The following RABGAP1L variants were observed in gnomAD, a reference collection of about 807,000 sequenced individuals.
The protein encoded by RABGAP1L is rab GTPase-activating protein 1-like.
In RABGAP1L, 63 loss-of-function variants were observed where a neutral mutation model predicts 137.7. That is an observed-to-expected ratio of 0.46 (90% CI 0.37 to 0.56). The LOEUF is 0.56. Ranked by LOEUF, RABGAP1L falls within the 20% of genes least tolerant of loss-of-function variation. RABGAP1L has a pLI of 0.00. For synonymous variants in RABGAP1L, 431 were observed against 433.7 expected (o/e 0.99, Z 0.08); for missense variants, 1,095 against 1,244.0 (o/e 0.88, Z 1.80).
intron 17 of RABGAP1L, among the ~76,000 whole-genome samples, chr1:174,748,926 C>T (rs896944655): frequency 6.6e-5 from 10 of 151,490 alleles, no homozygotes; most frequent in East Asian, 2.0e-4. Flanking sequence ...CATGTAATCC[C>T]GGCACTTTGG....
chr1:174,947,375 C>T (rs575358557), intron 19 of RABGAP1L, among the ~76,000 whole-genome samples: 31 of 150,694 alleles, frequency 2.1e-4, no homozygotes, highest in African/African-American at 5.4e-4. Context: ...GGATTACAGG[C>T]GTGAGCTACC....
At chr1:174,775,553 T>A (rs975696330) in intron 18 of RABGAP1L, among the ~76,000 whole-genome samples, 1 of 152,094 alleles carries the variant, frequency 6.6e-6, no homozygotes, top group African/African-American at 2.4e-5. Context: ...CCTCAGGAGA[T>A]CCGCCCACCT....
chr1:174,306,551 C>T (rs1678269445), intron 11 of RABGAP1L, among the ~76,000 whole-genome samples: 1 of 152,154 alleles, frequency 6.6e-6, no homozygotes, highest in Non-Finnish European at 1.5e-5. Context: ...CTGTTGGCTG[C>T]AGAAATATCT....
chr1:174,397,798 T>G (rs1225281305), intron 13 of RABGAP1L, among the ~76,000 whole-genome samples: 2 of 152,166 alleles, frequency 1.3e-5, no homozygotes, highest in Non-Finnish European at 2.9e-5. Context: ...TCAAGACTTC[T>G]GACATCAGCC....
intron 11 of RABGAP1L, among the ~76,000 whole-genome samples, chr1:174,328,012 T>TATATATAC (rs1680698338): frequency 5.0e-5 from 6 of 120,982 alleles, no homozygotes; most frequent in African/African-American, 2.5e-4. Flanking sequence ...TATATATATA[T>TATATATAC]ATATATATAT....
intron 23 of RABGAP1L, among the ~76,000 whole-genome samples, chr1:174,980,909 G>GT (rs370748304): frequency 0.23 from 33,320 of 143,664 alleles, 3,928 homozygotes; most frequent in African/African-American, 0.27. Flanking sequence ...AGTTTTTTTT[G>GT]TTTTTTTTTT....
In RABGAP1L at chr1:174,521,441, A is replaced by AT. The variant is rs978960288; in HGVS notation, c.1711-115928dup. 6.8e-4 allele frequency among the ~76,000 whole-genome samples: 103 copies of AT among 152,346 alleles called. 1 individual carries two copies. The highest frequency in any genetic ancestry group is 2.3e-3 in the African/African-American group (95 of 41,582). On this transcript the variant is annotated intron_variant, in intron 13 of 25. Coordinates refer to ENST00000681986, the MANE Select transcript of RABGAP1L (RefSeq NM_001366446.1). ...AGCTACAATCTAAATTTAGAATCAGATTTTTTGCTTCATGAATTTTATGTT... is the reference window on the plus strand; with the variant it reads ...AGCTACAATCTAAATTTAGAATCAGATTTTTTTGCTTCATGAATTTTATGTT...
intron 13 of RABGAP1L, among the ~76,000 whole-genome samples, chr1:174,494,402 G>T (rs1429132130): frequency 6.6e-6 from 1 of 152,162 alleles, no homozygotes; most frequent in Non-Finnish European, 1.5e-5. Flanking sequence ...AATTATTGTT[G>T]TTGTTTTATT....
chr1:174,317,049 C>G (rs1037904210), intron 11 of RABGAP1L, among the ~76,000 whole-genome samples: 1 of 151,964 alleles, frequency 6.6e-6, no homozygotes, highest in African/African-American at 2.4e-5. Flanking sequence ...CAGTGGGCTC[C>G]CCATTTGGCC....
chr1:174,377,391 C>G (rs1039463357), intron 12 of RABGAP1L, among the ~76,000 whole-genome samples: 1 of 151,946 alleles, frequency 6.6e-6, no homozygotes, highest in Admixed American at 6.6e-5. Context: ...ACTAGAATAG[C>G]CAAAACAATT....
At chr1:174,543,754 A>G (rs1263213778) in intron 13 of RABGAP1L, among the ~76,000 whole-genome samples, 1 of 152,100 alleles carries the variant, frequency 6.6e-6, no homozygotes, top group Non-Finnish European at 1.5e-5. Flanking sequence ...TTCCATGTTT[A>G]GTGCTTCCTT....
At chr1:174,435,397 A>G (rs180731383) in intron 13 of RABGAP1L, among the ~76,000 whole-genome samples, 1 of 151,306 alleles carries the variant, frequency 6.6e-6, no homozygotes, top group African/African-American at 2.4e-5. Context: ...TGCAGTTTCA[A>G]TTTTTTTTTG....
At chr1:174,902,507 C>G (rs1032953024) in intron 19 of RABGAP1L, among the ~76,000 whole-genome samples, 2 of 152,222 alleles carry the variant, frequency 1.3e-5, no homozygotes, top group Non-Finnish European at 2.9e-5. Flanking sequence ...GATTTCCCAC[C>G]TTTCTGGGAA....
chr1:174,469,075 A>G (rs975821546), intron 13 of RABGAP1L, among the ~76,000 whole-genome samples: 2 of 152,176 alleles, frequency 1.3e-5, no homozygotes, highest in African/African-American at 4.8e-5. Flanking sequence ...TGTTAAGTAT[A>G]TGCTTATGTG....
At chr1:174,401,419 G>A (rs185230671) in intron 13 of RABGAP1L, among the ~76,000 whole-genome samples, 29 of 152,238 alleles carry the variant, frequency 1.9e-4, no homozygotes, top group Non-Finnish European at 3.1e-4. Flanking sequence ...GCACTCACCC[G>A]TGATGGGGAA....
At chr1:174,405,792 A>C (rs924529771) in intron 13 of RABGAP1L, among the ~76,000 whole-genome samples, 13 of 152,094 alleles carry the variant, frequency 8.5e-5, no homozygotes, top group Non-Finnish European at 1.5e-4. Context: ...AGCCTGGGCC[A>C]CATGGTGAAA....
chr1:174,707,892 C>T (rs1680171395), intron 17 of RABGAP1L, among the ~76,000 whole-genome samples: 1 of 152,156 alleles, frequency 6.6e-6, no homozygotes, highest in African/African-American at 2.4e-5. Flanking sequence ...GATTCAAATA[C>T]TGCTCTAAAA....
At chr1:174,620,454 C>G (rs1672341334) in intron 13 of RABGAP1L, among the ~76,000 whole-genome samples, 1 of 152,184 alleles carries the variant, frequency 6.6e-6, no homozygotes, top group African/African-American at 2.4e-5. Flanking sequence ...ACAGTGCAAT[C>G]AAACTAGAAC....
chr1:174,266,425 G>C (rs1441872042), intron 7 of RABGAP1L, among the ~76,000 whole-genome samples: 2 of 152,086 alleles, frequency 1.3e-5, no homozygotes, highest in Admixed American at 6.6e-5. Context: ...CAAAATCTTG[G>C]CTAGAGTTCT....
Sources: allele counts gnomAD v4.1 joint callset (sites outside exome capture counted in the v4.1 genomes callset), GRCh38; gene constraint gnomAD v4.1.1; transcripts MANE v1.5; gene names NCBI Gene and HGNC (gene_info 2026-07-23, HGNC 2026-07-21).